RTF1: variants seen among roughly 807,000 people sequenced by gnomAD.
The protein encoded by RTF1 is RNA polymerase-associated protein RTF1 homolog.
In RTF1, 10 loss-of-function variants were observed where a neutral mutation model predicts 95.7. The ratio of observed to expected loss-of-function variants is 0.10; its 90% CI spans 0.06 to 0.18. The LOEUF is 0.18. Ranked by LOEUF, RTF1 falls within the 10% of genes least tolerant of loss-of-function variation. The pLI, the probability that RTF1 is intolerant of heterozygous loss-of-function variation, is 1.00. For missense variants in RTF1, 458 were observed against 875.6 expected, an observed-to-expected ratio of 0.52 and a Z score of 6.02; for synonymous variants, 305 against 311.8, an observed-to-expected ratio of 0.98 and a Z score of 0.23.
intron 2 of RTF1, chr15:41,448,887 ATTAAT>A (rs1382988450): frequency 6.6e-6 from 1 of 151,886 alleles, no homozygotes; most frequent in East Asian, 1.9e-4. Flanking sequence ...AATTAAATTA[ATTAAT>A]TTATTTATTT....
chr15:41,464,952 G>GTA, intron 5 of RTF1, 67 bp downstream of exon 5: 1 of 1,462,014 alleles, frequency 6.8e-7, no homozygotes, highest in Non-Finnish European at 9.0e-7. Flanking sequence ...GTGTGTGTGT[G>GTA]TGTGTGTGTG....
At chr15:41,432,364 AT>A (rs1400157757) in intron 1 of RTF1, among the ~76,000 whole-genome samples, 1 of 150,928 alleles carries the variant, frequency 6.6e-6, no homozygotes, top group Non-Finnish European at 1.5e-5. Flanking sequence ...CGCCTGGCTA[AT>A]TTTTTGTATT....
At chr15:41,448,846 GATT>G (rs1358022851) in intron 2 of RTF1, 1 of 151,922 alleles carries the variant, frequency 6.6e-6, no homozygotes, top group Non-Finnish European at 1.5e-5. Context: ...AGCGAGCAGA[GATT>G]ATTTTTTTAA....
chr15:41,424,706 C>T (rs192910583), intron 1 of RTF1, among the ~76,000 whole-genome samples: 34 of 152,222 alleles, frequency 2.2e-4, no homozygotes, highest in Admixed American at 1.7e-3. Context: ...CTGTGGGCTG[C>T]GTTAAAAAGA....
At chr15:41,426,323 TG>T (rs2050629310) in intron 1 of RTF1, among the ~76,000 whole-genome samples, 1 of 150,558 alleles carries the variant, frequency 6.6e-6, no homozygotes, top group Non-Finnish European at 1.5e-5. Flanking sequence ...TTTTTTTTTT[TG>T]GGATAGAGTC....
chr15:41,453,714 C>T (rs535926658), intron 3 of RTF1, among the ~76,000 whole-genome samples: 1 of 150,944 alleles, frequency 6.6e-6, no homozygotes, highest in African/African-American at 2.4e-5. Context: ...GAGCAAGACC[C>T]TTTCTCAACA....
chr15:41,480,390 A>C, intron 17 of RTF1, 65 bp downstream of exon 17: 3 of 1,205,546 alleles, frequency 2.5e-6, no homozygotes, highest in Non-Finnish European at 3.7e-6. Context: ...TTCTGGGGCA[A>C]CAAGGAAGCC....
chr15:41,433,618 G>T (rs572736803), intron 1 of RTF1, among the ~76,000 whole-genome samples: 7 of 152,146 alleles, frequency 4.6e-5, no homozygotes, highest in African/African-American at 1.7e-4. Flanking sequence ...ACTGCACCCA[G>T]CCCAGAAGTC....
chr15:41,471,378 C>T, intron 8 of RTF1, 29 bp downstream of exon 8: 1 of 1,587,940 alleles, frequency 6.3e-7, no homozygotes, highest in East Asian at 2.2e-5. Flanking sequence ...GGACAATTGT[C>T]CATGCTTTCA....
At chr15:41,451,896 T>C (rs2050790967) in intron 2 of RTF1, among the ~76,000 whole-genome samples, 1 of 152,154 alleles carries the variant, frequency 6.6e-6, no homozygotes, top group Non-Finnish European at 1.5e-5. Flanking sequence ...CTGTTTTCTA[T>C]TGGCAATAAA....
Position 41,455,005 on chromosome 15 carries a change from A to G in RTF1, c.457+1957A>G, listed in dbSNP as rs560242247. 1.2e-4 allele frequency among the ~76,000 whole-genome samples: 19 copies of G among 152,272 alleles called. No individual in the cohort carries two copies. In the South Asian group the frequency reaches 3.9e-3, roughly 32 times the overall value. ...TCTTCAAAAATTCAGTGCACCAACA[A>G]GTGGATAAAGAAAATGTGTATGTAT... On this transcript the variant is annotated intron_variant, in intron 3 of 17. Coordinates refer to ENST00000389629, the MANE Select transcript of RTF1 (RefSeq NM_015138.5).
At chr15:41,451,630 T>A (rs316609) in intron 2 of RTF1, among the ~76,000 whole-genome samples, 52,210 of 152,088 alleles carry the variant, frequency 0.34, 9,141 homozygotes, top group African/African-American at 0.4. Context: ...AATGATGTAC[T>A]TTACTTTCTG....
At chr15:41,435,490 A>C (rs1343524536) in intron 1 of RTF1, among the ~76,000 whole-genome samples, 1 of 151,686 alleles carries the variant, frequency 6.6e-6, no homozygotes, top group Admixed American at 6.6e-5. Flanking sequence ...CAGGTTTTAA[A>C]ACGACTGTAA....
At chr15:41,479,587 G>C (rs1267005010) in intron 16 of RTF1, among the ~76,000 whole-genome samples, 1 of 152,152 alleles carries the variant, frequency 6.6e-6, no homozygotes, top group East Asian at 1.9e-4. Context: ...CTTGCTGGGC[G>C]CAGTGGCTCA....
At chr15:41,452,838 C>G in intron 2 of RTF1, 63 bp from the exon 3 acceptor site, 3 of 1,255,694 alleles carry the variant, frequency 2.4e-6, no homozygotes, top group Non-Finnish European at 3.2e-6. Flanking sequence ...CTTGAGTCTT[C>G]CAGCTTTTCC....
At chr15:41,418,941 C>T (rs376839216) in intron 1 of RTF1, among the ~76,000 whole-genome samples, 18 of 151,802 alleles carry the variant, frequency 1.2e-4, no homozygotes, top group East Asian at 5.8e-4. Flanking sequence ...CTGCAAGCTC[C>T]GCCAAGGGGA....
chr15:41,463,087 T>C (rs909267136), intron 4 of RTF1, among the ~76,000 whole-genome samples: 2 of 152,240 alleles, frequency 1.3e-5, no homozygotes, highest in Admixed American at 6.5e-5. Flanking sequence ...TCATAATATG[T>C]AGTCTTTTGT....
intron 16 of RTF1, 85 bp downstream of exon 16, chr15:41,479,283 T>G (rs1210325465): frequency 1.1e-6 from 1 of 872,258 alleles, no homozygotes; most frequent in South Asian, 1.5e-5. Flanking sequence ...TTGGGCTTGA[T>G]TTTTCCACCT....
At chr15:41,426,206 A>G (rs1373512946) in intron 1 of RTF1, among the ~76,000 whole-genome samples, 1 of 151,876 alleles carries the variant, frequency 6.6e-6, no homozygotes, top group African/African-American at 2.4e-5. Context: ...GCTCACTGCA[A>G]CCTCCGCCCT....
Sources: allele counts gnomAD v4.1 joint callset (sites outside exome capture counted in the v4.1 genomes callset), GRCh38; gene constraint gnomAD v4.1.1; transcripts MANE v1.5; gene names NCBI Gene and HGNC (gene_info 2026-07-23, HGNC 2026-07-21).